Variants in OXCT1 observed in about 807,000 individuals in gnomAD.
OXCT1 encodes 3-oxoacid CoA-transferase 1, also known as succinyl-CoA:3-ketoacid coenzyme A transferase 1, mitochondrial.
Under a neutral mutation model 69.6 loss-of-function variants are expected in OXCT1, and 27 were observed. The observed-to-expected ratio is 0.39, with a 90% CI of 0.29 to 0.54. The LOEUF (loss-of-function observed/expected upper bound fraction) is 0.54. Among genes scored for constraint, OXCT1 ranks in the 20% least tolerant of loss-of-function variants. The probability of loss-of-function intolerance (pLI) is 0.72; values close to 1 mark genes in which losing one functional copy is unlikely to be tolerated. For missense variants in OXCT1, 437 were observed against 650.2 expected (o/e 0.67, Z 3.57); for synonymous variants, 202 against 217.8 (o/e 0.93, Z 0.64).
intron 15 of OXCT1, among the ~76,000 whole-genome samples, chr5:41,749,206 A>G (rs997618860): frequency 1.3e-5 from 2 of 152,118 alleles, no homozygotes; most frequent in Non-Finnish European, 2.9e-5. Context: ...TAGAAATAAT[A>G]TATTCATAAC....
At chr5:41,772,366 A>G (rs1169382230) in intron 13 of OXCT1, among the ~76,000 whole-genome samples, 11 of 152,094 alleles carry the variant, frequency 7.2e-5, no homozygotes, top group Non-Finnish European at 1.6e-4. Context: ...AAAAAACAAA[A>G]AAAAAAAGAG....
At chr5:41,843,691 C>G (rs1178808665) in intron 5 of OXCT1, 1 of 418,388 alleles carries the variant, frequency 2.4e-6, no homozygotes, top group African/African-American at 2.0e-5. Flanking sequence ...ATTCTCATCC[C>G]TACCGCACCC....
At chr5:41,817,986 A>T (rs1257885520) in intron 7 of OXCT1, among the ~76,000 whole-genome samples, 1 of 152,212 alleles carries the variant, frequency 6.6e-6, no homozygotes, top group Non-Finnish European at 1.5e-5. Flanking sequence ...TTCTTAGACC[A>T]TGGCAGGATA....
intron 7 of OXCT1, among the ~76,000 whole-genome samples, chr5:41,823,703 G>GCCT (rs1281010162): frequency 6.6e-6 from 1 of 152,154 alleles, no homozygotes; most frequent in Non-Finnish European, 1.5e-5. Flanking sequence ...GCCTGAAATT[G>GCCT]GAAGTGGCTA....
At chr5:41,760,229 G>C (rs1744281580) in intron 14 of OXCT1, among the ~76,000 whole-genome samples, 1 of 152,028 alleles carries the variant, frequency 6.6e-6, no homozygotes, top group Non-Finnish European at 1.5e-5. Flanking sequence ...AGAAACTGTT[G>C]ATTATTTTTC....
intron 7 of OXCT1, among the ~76,000 whole-genome samples, chr5:41,836,321 A>G (rs1020519718): frequency 1.3e-5 from 2 of 152,206 alleles, no homozygotes; most frequent in African/African-American, 2.4e-5. Flanking sequence ...CCAAGTAGCT[A>G]CCTAGGTCCA....
intron 15 of OXCT1, among the ~76,000 whole-genome samples, chr5:41,740,788 CTT>C (rs1743124105): frequency 6.6e-6 from 1 of 152,146 alleles, no homozygotes; most frequent in African/African-American, 2.4e-5. Context: ...TCTCCTATGG[CTT>C]TAGCTCCATG....
At chr5:41,859,825 T>C (rs930458804) in intron 3 of OXCT1, among the ~76,000 whole-genome samples, 4 of 142,866 alleles carry the variant, frequency 2.8e-5, no homozygotes, top group East Asian at 2.0e-4. Flanking sequence ...AGACTGACCA[T>C]TGGGCTCTCA....
intron 7 of OXCT1, among the ~76,000 whole-genome samples, chr5:41,827,142 AC>A (rs1747845804): frequency 6.6e-6 from 1 of 152,216 alleles, no homozygotes; most frequent in African/African-American, 2.4e-5. Flanking sequence ...AGTCTGTTCT[AC>A]AAACAATACG....
chr5:41,807,009 A>C (rs1746712944), intron 8 of OXCT1, among the ~76,000 whole-genome samples: 1 of 152,034 alleles, frequency 6.6e-6, no homozygotes, highest in African/African-American at 2.4e-5. Flanking sequence ...AAACCACCAA[A>C]GACATGATTA....
At chr5:41,865,941 A>T (rs1201992495) in intron 1 of OXCT1, among the ~76,000 whole-genome samples, 2 of 151,366 alleles carry the variant, frequency 1.3e-5, no homozygotes, top group African/African-American at 4.9e-5. Flanking sequence ...TTTAATTTTA[A>T]TTGTATATAA....
intron 10 of OXCT1, among the ~76,000 whole-genome samples, chr5:41,801,685 G>A (rs1344121467): frequency 1.3e-5 from 2 of 152,088 alleles, no homozygotes; most frequent in Non-Finnish European, 2.9e-5. Flanking sequence ...TTTGTAAAAT[G>A]TAGGCCTGAA....
intron 7 of OXCT1, among the ~76,000 whole-genome samples, chr5:41,837,282 A>G (rs1748410650): frequency 6.6e-6 from 1 of 151,428 alleles, no homozygotes; most frequent in Non-Finnish European, 1.5e-5. Flanking sequence ...AAAGGAGATG[A>G]GCTAAGAGTT....
intron 1 of OXCT1, among the ~76,000 whole-genome samples, chr5:41,864,804 A>T (rs1459073292): frequency 6.6e-6 from 1 of 152,102 alleles, no homozygotes; most frequent in Non-Finnish European, 1.5e-5. Context: ...TCATTTTTTG[A>T]TATAAAATAA....
At chr5:41,825,976 G>C (rs923571283) in intron 7 of OXCT1, among the ~76,000 whole-genome samples, 1 of 152,200 alleles carries the variant, frequency 6.6e-6, no homozygotes, top group Non-Finnish European at 1.5e-5. Context: ...AGTATAAAAA[G>C]AGATAAAATG....
intron 7 of OXCT1, among the ~76,000 whole-genome samples, chr5:41,824,972 A>G (rs1276791522): frequency 6.6e-6 from 1 of 152,232 alleles, no homozygotes; most frequent in Non-Finnish European, 1.5e-5. Flanking sequence ...TTCACAATAC[A>G]TGGCAAAACT....
intron 7 of OXCT1, among the ~76,000 whole-genome samples, chr5:41,832,208 A>T (rs1258799247): frequency 6.6e-6 from 1 of 152,198 alleles, no homozygotes; most frequent in East Asian, 1.9e-4. Flanking sequence ...GGTAGTAGTT[A>T]ACAGCAGGCC....
chr5:41,741,008 T>A (rs1275237178), intron 15 of OXCT1, among the ~76,000 whole-genome samples: 1 of 150,944 alleles, frequency 6.6e-6, no homozygotes, highest in Non-Finnish European at 1.5e-5. Context: ...TGGAGTGCAA[T>A]GGCCCGATCT....
At chr5:41,822,406 C>A (rs1462887089) in intron 7 of OXCT1, among the ~76,000 whole-genome samples, 1 of 152,084 alleles carries the variant, frequency 6.6e-6, no homozygotes, top group Admixed American at 6.5e-5. Flanking sequence ...TATGGACTAG[C>A]CCTCTTTATC....
Sources: gnomAD v4.1 joint callset for allele counts (sites outside exome capture counted in the v4.1 genomes callset) on GRCh38, gnomAD v4.1.1 for gene constraint, MANE v1.5 for transcripts, NCBI Gene and HGNC (gene_info 2026-07-23, HGNC 2026-07-21) for gene names.